Variants in PDE4D observed in about 807,000 individuals in gnomAD.
The protein encoded by PDE4D is 3',5'-cyclic-AMP phosphodiesterase 4D.
PDE4D carries 24 observed loss-of-function variants against 87.4 expected under a neutral mutation model. The ratio of observed to expected loss-of-function variants is 0.27; its 90% CI spans 0.20 to 0.39. The LOEUF is 0.39. Among genes scored for constraint, PDE4D ranks in the 10% least tolerant of loss-of-function variants. PDE4D has a pLI of 1.00. For synonymous variants in PDE4D, 384 were observed against 383.2 expected (o/e 1.00, Z -0.02); for missense variants, 714 against 1,041.0 (o/e 0.69, Z 4.32).
intron 1 of PDE4D, among the ~76,000 whole-genome samples, chr5:59,450,663 C>G (rs1346617648): frequency 1.3e-5 from 2 of 152,204 alleles, no homozygotes; most frequent in South Asian, 2.1e-4. Context: ...TTCCCACACA[C>G]AGCAGATGAT....
At chr5:59,504,003 C>T (rs1808788183) in intron 1 of PDE4D, among the ~76,000 whole-genome samples, 1 of 152,082 alleles carries the variant, frequency 6.6e-6, no homozygotes, top group Non-Finnish European at 1.5e-5. Flanking sequence ...TATATTGGGT[C>T]TAGGATGAGT....
At chr5:59,492,645 G>A (rs897409947) in intron 1 of PDE4D, among the ~76,000 whole-genome samples, 1 of 152,086 alleles carries the variant, frequency 6.6e-6, no homozygotes, top group Non-Finnish European at 1.5e-5. Flanking sequence ...CAGGGTACAT[G>A]TGCTGTGGAA....
At chr5:59,916,750 T>C in intron 3 of PDE4D, among the ~76,000 whole-genome samples, 1 of 152,076 alleles carries the variant, frequency 6.6e-6, no homozygotes, top group East Asian at 1.9e-4. Context: ...ACATTGGGAA[T>C]ATAGTATTTT....
chr5:60,047,878 G>T (rs1349770509), intron 2 of PDE4D, among the ~76,000 whole-genome samples: 2 of 152,018 alleles, frequency 1.3e-5, no homozygotes, highest in Non-Finnish European at 2.9e-5. Context: ...ATGTCTATTA[G>T]GTCTGCTTGG....
At chr5:59,435,578 A>G (rs1017778859) in intron 1 of PDE4D, among the ~76,000 whole-genome samples, 7 of 152,094 alleles carry the variant, frequency 4.6e-5, no homozygotes, top group Non-Finnish European at 8.8e-5. Context: ...TATTTTGCCA[A>G]CTCACATGAC....
chr5:59,205,340 C>A (rs1037689338), intron 2 of PDE4D, among the ~76,000 whole-genome samples: 1 of 151,968 alleles, frequency 6.6e-6, no homozygotes, highest in African/African-American at 2.4e-5. Flanking sequence ...TGTTAATGTT[C>A]TTTACCTGGC....
chr5:60,157,682 A>G (rs1424152607), intron 2 of PDE4D, among the ~76,000 whole-genome samples: 1 of 152,166 alleles, frequency 6.6e-6, no homozygotes, highest in Admixed American at 6.5e-5. Flanking sequence ...ATCTAACGAA[A>G]ACTAACTTCT....
intron 1 of PDE4D, among the ~76,000 whole-genome samples, chr5:60,511,275 T>G (rs1207169557): frequency 6.6e-6 from 1 of 152,184 alleles, no homozygotes; most frequent in East Asian, 1.9e-4. Context: ...AGCCCTGCCA[T>G]GGTGTTTTAA....
intron 2 of PDE4D, among the ~76,000 whole-genome samples, chr5:60,092,749 C>G (rs1360570542): frequency 1.3e-5 from 2 of 152,238 alleles, no homozygotes; most frequent in East Asian, 3.9e-4. Flanking sequence ...ATCACCAAGC[C>G]CATATCACTG....
chr5:59,196,412 T>C (rs62357996), intron 2 of PDE4D, among the ~76,000 whole-genome samples: 14,909 of 152,198 alleles, frequency 0.098, 926 homozygotes, highest in Admixed American at 0.18. Flanking sequence ...AATTACAAAG[T>C]GATGCCAGGG....
At chr5:60,047,949 A>G (rs1400316571) in intron 2 of PDE4D, among the ~76,000 whole-genome samples, 1 of 152,060 alleles carries the variant, frequency 6.6e-6, no homozygotes, top group African/African-American at 2.4e-5. Flanking sequence ...TGCTCTGTCT[A>G]ATGTTGACAG....
At chr5:60,156,421 C>T (rs1781984487) in intron 2 of PDE4D, among the ~76,000 whole-genome samples, 3 of 152,120 alleles carry the variant, frequency 2.0e-5, no homozygotes, top group Admixed American at 2.0e-4. Flanking sequence ...CTCCAGAAGT[C>T]CCAGTTACTT....
intron 5 of PDE4D, among the ~76,000 whole-genome samples, chr5:59,158,858 T>G (rs1003533780): frequency 6.6e-6 from 1 of 152,142 alleles, no homozygotes; most frequent in Non-Finnish European, 1.5e-5. Flanking sequence ...AGAGGCAAAG[T>G]GAAGAAATGT....
rs146501824 is a variant in PDE4D at position 59,495,985 on chromosome 5, A to T, written c.456-280017T>A. On this transcript the variant is annotated intron_variant, in intron 1 of 14. Transcript: ENST00000340635. ...TTAGACCCTCCACCTTATCACAAGG[A>T]CGAGGGCTTTCTGTATCCCGGGTTC... is the stretch of plus-strand genomic sequence containing the variant. 2.9e-3 allele frequency among the ~76,000 whole-genome samples: 441 copies of T among 152,274 alleles called. 2 individuals carry two copies. Among genetic ancestry groups the T allele is most frequent in the African/African-American group, 1.0e-2 (415 of 41,546 alleles).
chr5:59,291,745 T>G (rs558319391), intron 1 of PDE4D, among the ~76,000 whole-genome samples: 41 of 146,938 alleles, frequency 2.8e-4, no homozygotes, highest in Non-Finnish European at 5.8e-4. Context: ...GAAGTTTTTT[T>G]TTTTTTTTTT....
chr5:59,591,023 C>T (rs185026741), intron 1 of PDE4D, among the ~76,000 whole-genome samples: 12 of 152,196 alleles, frequency 7.9e-5, no homozygotes, highest in Admixed American at 2.6e-4. Flanking sequence ...TTCAAAGTTG[C>T]ATCAGGTCAG....
chr5:59,034,718 A>G (rs1400673149), intron 6 of PDE4D, among the ~76,000 whole-genome samples: 1 of 152,204 alleles, frequency 6.6e-6, no homozygotes, highest in Non-Finnish European at 1.5e-5. Context: ...AGAAGTCATG[A>G]CCACATTTGT....
chr5:59,140,497 A>T (rs149166118), intron 5 of PDE4D, among the ~76,000 whole-genome samples: 2 of 152,236 alleles, frequency 1.3e-5, no homozygotes, highest in African/African-American at 4.8e-5. Flanking sequence ...TTGGGTTGGA[A>T]ATACAGATTC....
chr5:59,778,179 T>C (rs550956833), intron 1 of PDE4D, among the ~76,000 whole-genome samples: 2 of 152,354 alleles, frequency 1.3e-5, no homozygotes, highest in South Asian at 4.1e-4. Context: ...CTCCTGGGAC[T>C]TTCAGTCTAG....
Sources: gnomAD v4.1 joint callset for allele counts (sites outside exome capture counted in the v4.1 genomes callset) on GRCh38, gnomAD v4.1.1 for gene constraint, MANE v1.5 for transcripts, NCBI Gene and HGNC (gene_info 2026-07-23, HGNC 2026-07-21) for gene names.